MYSM1: variants seen among roughly 807,000 people sequenced by gnomAD.
MYSM1 encodes the protein Myb like, SWIRM and MPN domains 1.
Under a neutral mutation model 116.0 loss-of-function variants are expected in MYSM1, and 51 were observed. The observed-to-expected ratio is 0.44, with a 90% CI of 0.35 to 0.56. MYSM1 has a LOEUF of 0.56. Among genes scored for constraint, MYSM1 ranks in the 20% least tolerant of loss-of-function variants. MYSM1 has a pLI of 0.00. For synonymous variants in MYSM1, 313 were observed against 315.2 expected (o/e 0.99, Z 0.07); for missense variants, 900 against 974.9 (o/e 0.92, Z 1.02).
intron 12 of MYSM1, among the ~76,000 whole-genome samples, chr1:58,669,825 G>T (rs12139211): frequency 0.23 from 23,955 of 105,528 alleles, 2,533 homozygotes; most frequent in South Asian, 0.33. Flanking sequence ...GACAGAGTGA[G>T]ACCCTGTCTC....
chr1:58,668,800 C>T (rs879523290), intron 13 of MYSM1, 118 bp from the exon 14 acceptor site: 41 of 1,045,772 alleles, frequency 3.9e-5, no homozygotes, highest in Non-Finnish European at 5.5e-5. Context: ...TCAGCACTAA[C>T]CAAAGCTCAG....
chr1:58,699,412 G>A (rs1645030722), intron 1 of MYSM1, among the ~76,000 whole-genome samples: 1 of 152,212 alleles, frequency 6.6e-6, no homozygotes, highest in East Asian at 1.9e-4. Flanking sequence ...GCTCAGACAA[G>A]TTAAGTGTCT....
At chr1:58,660,256 G>C in intron 19 of MYSM1, 101 bp from the exon 20 acceptor site, 2 of 632,114 alleles carry the variant, frequency 3.2e-6, no homozygotes, top group South Asian at 8.0e-5. Context: ...ATTTCCTAAT[G>C]CTCAAATGAG....
intron 1 of MYSM1, among the ~76,000 whole-genome samples, chr1:58,698,960 G>A (rs1402776420): frequency 2.0e-5 from 3 of 152,140 alleles, no homozygotes; most frequent in African/African-American, 4.8e-5. Flanking sequence ...ATATTAGGCT[G>A]AACTACATGA....
rs1395940376 is a variant in MYSM1, at chr1:58,667,933, A to T, written c.1768-12T>A. 5 of 1,602,452 alleles carry T rather than the reference A, an allele frequency of 3.1e-6. No individual in the cohort carries two copies. The East Asian group carries it at 1.1e-4, about 36-fold the overall frequency. ...GAAACATGAGCATGCTAAAAGAAAT[A>T]CAAGACAGACTTAGCCCAAACGCAC... On this transcript the variant is annotated splice_polypyrimidine_tract_variant and intron_variant, in intron 14 of 19. Coordinates refer to ENST00000472487, the MANE Select transcript of MYSM1 (RefSeq NM_001085487.3).
intron 17 of MYSM1, among the ~76,000 whole-genome samples, chr1:58,661,736 A>G (rs539927397): frequency 1.8e-4 from 28 of 152,238 alleles, no homozygotes; most frequent in Middle Eastern, 3.4e-3. Context: ...AATGAGTAAA[A>G]GTGCCATTTA....
intron 12 of MYSM1, among the ~76,000 whole-genome samples, chr1:58,671,549 T>A (rs1163116036): frequency 1.3e-5 from 2 of 152,086 alleles, no homozygotes; most frequent in African/African-American, 4.8e-5. Flanking sequence ...TTGCTAACAA[T>A]TAGTACCACC....
chr1:58,677,371 A>C (rs1260040481), intron 8 of MYSM1, among the ~76,000 whole-genome samples: 1 of 152,152 alleles, frequency 6.6e-6, no homozygotes, highest in Admixed American at 6.5e-5. Context: ...TGAATCTTTA[A>C]ATACAAAGAG....
At chr1:58,674,701 G>A (rs150968188) in intron 10 of MYSM1, among the ~76,000 whole-genome samples, 2,274 of 152,094 alleles carry the variant, frequency 0.015, 55 homozygotes, top group African/African-American at 0.051. Context: ...CAAGGCGGGC[G>A]GATCATGAGG....
At chr1:58,661,941 T>C (rs1644398428) in intron 17 of MYSM1, among the ~76,000 whole-genome samples, 1 of 151,430 alleles carries the variant, frequency 6.6e-6, no homozygotes, top group East Asian at 1.9e-4. Context: ...ATACAGGTTA[T>C]TAAGCTTACA....
At chr1:58,684,376 T>G (rs1219794156) in intron 7 of MYSM1, among the ~76,000 whole-genome samples, 2 of 151,922 alleles carry the variant, frequency 1.3e-5, no homozygotes, top group Non-Finnish European at 2.9e-5. Context: ...CCATCCTGGC[T>G]GACACGGTGA....
chr1:58,679,491 C>T (rs1039150462), intron 8 of MYSM1, among the ~76,000 whole-genome samples: 5 of 152,248 alleles, frequency 3.3e-5, no homozygotes, highest in Admixed American at 1.3e-4. Context: ...CAGGATCTTG[C>T]TCTGTTGCCC....
chr1:58,695,710 G>C (rs1644964274), intron 1 of MYSM1, among the ~76,000 whole-genome samples: 1 of 150,234 alleles, frequency 6.7e-6, no homozygotes, highest in Admixed American at 6.6e-5. Context: ...ACTCAAAGAA[G>C]GACAGTACAG....
At chr1:58,675,446 G>A (rs760987473) in intron 10 of MYSM1, 31 bp downstream of exon 10, 3 of 1,493,626 alleles carry the variant, frequency 2.0e-6, no homozygotes, top group Non-Finnish European at 2.8e-6. Flanking sequence ...GCAGCAATGT[G>A]GAGAGATCAC....
intron 17 of MYSM1, among the ~76,000 whole-genome samples, chr1:58,665,024 C>G (rs541187866): frequency 1.3e-5 from 2 of 152,152 alleles, no homozygotes; most frequent in Non-Finnish European, 2.9e-5. Flanking sequence ...CTATGCCAAC[C>G]AAATTCTTTC....
chr1:58,671,635 G>A (rs1448714102), intron 12 of MYSM1, among the ~76,000 whole-genome samples: 1 of 152,052 alleles, frequency 6.6e-6, no homozygotes, highest in Admixed American at 6.6e-5. Context: ...GTCCTAAACA[G>A]GGCCCCTTTA....
intron 11 of MYSM1, among the ~76,000 whole-genome samples, chr1:58,673,368 C>T (rs1164489674): frequency 6.6e-6 from 1 of 152,188 alleles, no homozygotes; most frequent in Non-Finnish European, 1.5e-5. Context: ...AATCCAAGTT[C>T]TGAAATGAGT....
chr1:58,673,547 T>C, intron 11 of MYSM1, 26 bp downstream of exon 11: 2 of 1,590,438 alleles, frequency 1.3e-6, no homozygotes, highest in Non-Finnish European at 1.7e-6. Context: ...TTTTCATGGA[T>C]GAGCCATTTG....
intron 16 of MYSM1, among the ~76,000 whole-genome samples, 169 bp from the exon 17 acceptor site, chr1:58,665,800 T>C (rs1216551027): frequency 1.3e-5 from 2 of 152,206 alleles, no homozygotes; most frequent in Non-Finnish European, 2.9e-5. Context: ...ATCCCAGCAC[T>C]TTGGGAGACT....
Sources: gnomAD v4.1 joint callset for allele counts (sites outside exome capture counted in the v4.1 genomes callset) on GRCh38, gnomAD v4.1.1 for gene constraint, MANE v1.5 for transcripts, NCBI Gene and HGNC (gene_info 2026-07-23, HGNC 2026-07-21) for gene names.